Variants in ADCY8 observed in about 807,000 individuals in gnomAD.
ADCY8 encodes the protein adenylate cyclase type 8.
ADCY8 carries 51 observed loss-of-function variants against 119.7 expected under a neutral mutation model. The observed-to-expected ratio is 0.43, with a 90% CI of 0.34 to 0.54. The LOEUF (loss-of-function observed/expected upper bound fraction) is 0.54. ADCY8 is among the 20% of genes least tolerant of loss of function. The pLI is 0.03. For missense variants in ADCY8, 1,383 were observed against 1,598.8 expected, an observed-to-expected ratio of 0.87 and a Z score of 2.30; for synonymous variants, 665 against 651.0, an observed-to-expected ratio of 1.02 and a Z score of -0.33.
intron 2 of ADCY8, among the ~76,000 whole-genome samples, chr8:130,982,096 G>C (rs1350351151): frequency 6.6e-6 from 1 of 152,210 alleles, no homozygotes; most frequent in Non-Finnish European, 1.5e-5. Context: ...TAATGCGCTA[G>C]GAAGATTGCA....
chr8:130,956,123 C>G (rs1251683877), intron 2 of ADCY8, among the ~76,000 whole-genome samples: 1 of 152,106 alleles, frequency 6.6e-6, no homozygotes, highest in Non-Finnish European at 1.5e-5. Flanking sequence ...CCAGCCTGGT[C>G]AACAGAGAAA....
In ADCY8 at chr8:130,794,477, C is replaced by A. The variant is rs10102467; in HGVS notation, c.3060+5949G>T. 2.6e-3 allele frequency among the ~76,000 whole-genome samples: 398 copies of A among 152,244 alleles called. 1 individual carries two copies. The highest frequency in any genetic ancestry group is 9.0e-3 in the African/African-American group (373 of 41,550). ...GCCAGACTGGTCTCGAACTCCTGAC[C>A]TCGTGATCCGCCTGCCTCGGCCTTC... On this transcript the variant is annotated intron_variant, in intron 15 of 17. Transcript: ENST00000286355.
At chr8:130,959,144 G>A (rs888793089) in intron 2 of ADCY8, among the ~76,000 whole-genome samples, 10 of 152,090 alleles carry the variant, frequency 6.6e-5, no homozygotes, top group African/African-American at 1.9e-4. Flanking sequence ...TTGTATTACC[G>A]GTTTTTAAAA....
chr8:130,826,373 C>T (rs1300234545), intron 12 of ADCY8, among the ~76,000 whole-genome samples: 1 of 152,128 alleles, frequency 6.6e-6, no homozygotes, highest in East Asian at 1.9e-4. Flanking sequence ...GACAAATGAA[C>T]ATTTCCGATG....
intron 1 of ADCY8, among the ~76,000 whole-genome samples, chr8:131,020,054 T>C (rs944741959): frequency 2.6e-5 from 4 of 152,046 alleles, no homozygotes; most frequent in African/African-American, 4.8e-5. Flanking sequence ...GAAGATGGCA[T>C]AGGTCTTTCA....
rs752321769 is a variant in ADCY8, at chr8:130,807,983, C to CAAAAAAAAAAAAAAAAAA, written c.2913+6068_2913+6085dup. 4.2e-5 allele frequency among the ~76,000 whole-genome samples: 2 copies of CAAAAAAAAAAAAAAAAAA among 47,238 alleles called. 1 individual carries two copies. Among genetic ancestry groups the CAAAAAAAAAAAAAAAAAA allele is most frequent in the Non-Finnish European group, 7.9e-5 (2 of 25,210 alleles). The allele number at this position is 47,238 out of a possible 152,430, so 31.0% of individuals were successfully genotyped here. On this transcript the variant is annotated intron_variant, in intron 14 of 17. Transcript: ENST00000286355. The stretch of plus-strand genomic sequence containing the variant: ...TGGGTGACAGAGCGAGACTCCGTCT[C>CAAAAAAAAAAAAAAAAAA]AAAAAAAAAAAAAAAAAAAAAAAAA...
chr8:130,814,110 G>A lies in ADCY8; in HGVS notation c.2872C>T (p.His958Tyr), dbSNP rs1266394882. The change falls in exon 14 of 18, where the codon CAT (histidine) becomes TAT (tyrosine). Residue 958 changes from histidine to tyrosine, a missense_variant. Transcript: ENST00000286355. The part of the protein sequence containing the change: ...ENMLRNILPS[H>Y]VARHFLEKDR... ...TTCTCTAGGAAATGGCGGGCCACAT[G>A]GCTGGGTAAGATATTCCGGAGCATG... 1 of 1,614,148 alleles carries A rather than the reference G, an allele frequency of 6.2e-7. No individual in the cohort carries two copies. The highest frequency in any genetic ancestry group is 1.7e-5 in the Admixed American group (1 of 60,014).
At position 130,849,611 on chromosome 8, in the gene ADCY8, G is replaced by C. The variant is rs750695463; in HGVS notation, c.2403C>G (p.Ile801Met). Residue 801 changes from isoleucine (I) to methionine (M), a missense_variant, in exon 10 of 18, where the codon ATC (isoleucine) becomes ATG (methionine). Around this residue, in one of 2 missense-constraint regions of ADCY8, gnomAD observed 928 missense variants for 1,163.5 expected, o/e 0.80. Coordinates refer to ENST00000286355, the MANE Select transcript of ADCY8 (RefSeq NM_001115.3). ...ASILINFLGA[I>M]LNILWCDFDK... ...GATGTGGGATGCTTACGATATTTAA[G>C]ATGGCACCCAGGAAATTAATCAAAA... 1.9e-6 allele frequency: 3 copies of C among 1,613,974 alleles called. No individual in the cohort carries two copies. The South Asian group carries it at 3.3e-5, about 18-fold the overall frequency.
intron 1 of ADCY8, among the ~76,000 whole-genome samples, chr8:131,011,515 G>T (rs529748279): frequency 3.9e-5 from 6 of 152,256 alleles, no homozygotes; most frequent in African/African-American, 1.4e-4. Flanking sequence ...CATTCTCAGT[G>T]CCTGACCCCC....
At chr8:130,937,617 G>A (rs1042037633) in intron 4 of ADCY8, among the ~76,000 whole-genome samples, 1 of 152,114 alleles carries the variant, frequency 6.6e-6, no homozygotes, top group African/African-American at 2.4e-5. Context: ...TTAATAGTAA[G>A]CACTTAAAAA....
At chr8:130,900,110 G>A (rs1250098944) in intron 7 of ADCY8, among the ~76,000 whole-genome samples, 1 of 152,200 alleles carries the variant, frequency 6.6e-6, no homozygotes, top group Non-Finnish European at 1.5e-5. Flanking sequence ...ATCAAATTAA[G>A]AGGCAGAACA....
At chr8:131,015,367 A>T (rs1020768607) in intron 1 of ADCY8, among the ~76,000 whole-genome samples, 10 of 152,180 alleles carry the variant, frequency 6.6e-5, no homozygotes, top group Admixed American at 5.2e-4. Flanking sequence ...GGTATCTCTG[A>T]TGAGGTTATA....
At chr8:130,845,199 G>T (rs3849807) in intron 11 of ADCY8, among the ~76,000 whole-genome samples, 20,944 of 152,152 alleles carry the variant, frequency 0.14, 1,742 homozygotes, top group Non-Finnish European at 0.18. Flanking sequence ...CTTAGGATTT[G>T]GCTAATCTCT....
At chr8:130,882,513 A>T (rs1818814941) in intron 8 of ADCY8, among the ~76,000 whole-genome samples, 5 of 152,202 alleles carry the variant, frequency 3.3e-5, no homozygotes, top group Middle Eastern at 6.8e-3. Context: ...AACCCTGGGA[A>T]ATCAAGTCCT....
intron 11 of ADCY8, among the ~76,000 whole-genome samples, chr8:130,840,599 T>C (rs774602817): frequency 6.6e-6 from 1 of 152,164 alleles, no homozygotes; most frequent in Non-Finnish European, 1.5e-5. Context: ...ATTACAAGAA[T>C]GCAAAATATG....
chr8:130,969,300 T>C (rs1821854599), intron 2 of ADCY8, among the ~76,000 whole-genome samples: 1 of 152,126 alleles, frequency 6.6e-6, no homozygotes, highest in Admixed American at 6.5e-5. Context: ...ACTGCAACAT[T>C]GGCTCTTTCC....
chr8:130,819,334 C>T (rs955538659), intron 13 of ADCY8, among the ~76,000 whole-genome samples: 1 of 152,144 alleles, frequency 6.6e-6, no homozygotes, highest in African/African-American at 2.4e-5. Context: ...GTCACTCAGA[C>T]CCTCACTGAA....
intron 1 of ADCY8, among the ~76,000 whole-genome samples, chr8:131,005,818 G>C (rs1157492223): frequency 6.6e-6 from 1 of 152,140 alleles, no homozygotes; most frequent in Admixed American, 6.5e-5. Context: ...AGTGGAAACA[G>C]CTTCCTCTGC....
chr8:130,962,862 G>A (rs1045079533), intron 2 of ADCY8, among the ~76,000 whole-genome samples: 1 of 152,148 alleles, frequency 6.6e-6, no homozygotes, highest in African/African-American at 2.4e-5. Context: ...TCCAGGCACT[G>A]GGGAGAGACT....
Sources: gnomAD v4.1 joint callset for allele counts (sites outside exome capture counted in the v4.1 genomes callset) on GRCh38, gnomAD v4.1.1 for gene constraint, gnomAD v4.1.1 regional missense constraint, MANE v1.5 for transcripts, NCBI Gene and HGNC (gene_info 2026-07-23, HGNC 2026-07-21) for gene names.